PPFIA2: variants seen among roughly 807,000 people sequenced by gnomAD.
PPFIA2 encodes PPFI scaffold protein A2.
A neutral mutation model predicts 175.5 loss-of-function variants in PPFIA2; 46 were observed. That is an observed-to-expected ratio of 0.26 (90% CI 0.21 to 0.34). The LOEUF is 0.34. Ranked by LOEUF, PPFIA2 falls within the 10% of genes least tolerant of loss-of-function variation. The pLI is 1.00. For missense variants in PPFIA2, 1,179 were observed against 1,506.1 expected (o/e 0.78, Z 3.60); for synonymous variants, 568 against 511.4 (o/e 1.11, Z -1.49).
chr12:81,732,504 GT>G (rs749841598), intron 3 of PPFIA2, among the ~76,000 whole-genome samples: 93 of 107,090 alleles, frequency 8.7e-4, no homozygotes, highest in African/African-American at 2.5e-3. Context: ...TATGGATGAT[GT>G]TTTTTTTTAA....
At chr12:81,712,274 A>G (rs2078036402) in intron 3 of PPFIA2, among the ~76,000 whole-genome samples, 1 of 151,382 alleles carries the variant, frequency 6.6e-6, no homozygotes, top group Admixed American at 6.7e-5. Flanking sequence ...AGATTAGAGA[A>G]ATCGTTTTAT....
At chr12:81,712,334 A>G (rs1331555054) in intron 3 of PPFIA2, among the ~76,000 whole-genome samples, 1 of 151,412 alleles carries the variant, frequency 6.6e-6, no homozygotes, top group African/African-American at 2.4e-5. Context: ...AGAGTTTGAT[A>G]CAAAGTACTT....
chr12:81,471,277 C>CT (rs2056678290), intron 4 of PPFIA2: 5 of 151,876 alleles, frequency 3.3e-5, no homozygotes. Flanking sequence ...TCCAAGGTGG[C>CT]TGGGACCATA....
chr12:81,295,452 G>C (rs541956643), intron 23 of PPFIA2, among the ~76,000 whole-genome samples: 7 of 152,144 alleles, frequency 4.6e-5, no homozygotes, highest in Non-Finnish European at 8.8e-5. Flanking sequence ...TGAGTGAAGA[G>C]AAATTCTGTC....
chr12:81,515,972 T>G (rs1378087985), intron 4 of PPFIA2, among the ~76,000 whole-genome samples: 1 of 36,088 alleles, frequency 2.8e-5, no homozygotes, highest in Non-Finnish European at 5.1e-5. Context: ...GCATGCCAAA[T>G]TTTTTTTTTT....
intron 11 of PPFIA2, among the ~76,000 whole-genome samples, chr12:81,370,541 C>G (rs549676822): frequency 6.6e-6 from 1 of 152,024 alleles, no homozygotes; most frequent in East Asian, 1.9e-4. Flanking sequence ...GTTTGTGACT[C>G]TCCTAAATGA....
chr12:81,478,783 G>A (rs1418559981), intron 4 of PPFIA2, among the ~76,000 whole-genome samples: 5 of 151,942 alleles, frequency 3.3e-5, no homozygotes, highest in Admixed American at 6.6e-5. Context: ...TCTGAGAGAC[G>A]GTTTGTTATG....
intron 17 of PPFIA2, among the ~76,000 whole-genome samples, chr12:81,351,506 T>A (rs541105712): frequency 6.6e-6 from 1 of 152,140 alleles, no homozygotes; most frequent in South Asian, 2.1e-4. Context: ...AAAAACTCTA[T>A]AAGAATTGTG....
chr12:81,383,197 A>G lies in PPFIA2; in HGVS notation c.984+826T>C, dbSNP rs75737906. Among the ~76,000 whole-genome samples, 191 of 152,252 alleles carry G rather than the reference A, an allele frequency of 1.3e-3. 2 individuals are homozygous for G. The highest frequency in any genetic ancestry group is 4.4e-3 in the African/African-American group (185 of 41,574). On this transcript the variant is annotated intron_variant, in intron 9 of 32. Coordinates refer to ENST00000549396, the MANE Select transcript of PPFIA2 (RefSeq NM_003625.5). The stretch of plus-strand genomic sequence containing the variant: ...GGAAGAAAAGAATTGGACACATAGA[A>G]TAGGGCCAACTTGATGAACAACTAG...
intron 22 of PPFIA2, among the ~76,000 whole-genome samples, chr12:81,318,528 C>T (rs568636417): frequency 6.6e-6 from 1 of 151,660 alleles, no homozygotes; most frequent in Non-Finnish European, 1.5e-5. Context: ...GATTTGGATG[C>T]CTCTGTAAAA....
chr12:81,715,553 C>A (rs1471679514), intron 3 of PPFIA2, among the ~76,000 whole-genome samples: 1 of 151,534 alleles, frequency 6.6e-6, no homozygotes, highest in East Asian at 1.9e-4. Context: ...AGCTTTTTTC[C>A]CCCAGTAAGA....
chr12:81,277,659 T>C (rs776846662), intron 27 of PPFIA2, among the ~76,000 whole-genome samples: 2 of 152,198 alleles, frequency 1.3e-5, no homozygotes, highest in Admixed American at 6.5e-5. Context: ...AAAATCATCA[T>C]GGATTATATT....
intron 4 of PPFIA2, among the ~76,000 whole-genome samples, chr12:81,559,807 T>G (rs1011061937): frequency 5.5e-5 from 8 of 146,614 alleles, no homozygotes; most frequent in African/African-American, 2.0e-4. Context: ...CTTAGTTGTT[T>G]TTTTTTTTGT....
At chr12:81,614,281 T>C (rs969143066) in intron 4 of PPFIA2, among the ~76,000 whole-genome samples, 4 of 152,128 alleles carry the variant, frequency 2.6e-5, no homozygotes, top group African/African-American at 4.8e-5. Context: ...GATGTTTTCG[T>C]GCTCTTCAAT....
intron 7 of PPFIA2, among the ~76,000 whole-genome samples, chr12:81,437,591 A>C (rs1179905922): frequency 2.0e-5 from 3 of 152,112 alleles, no homozygotes; most frequent in Non-Finnish European, 4.4e-5. Context: ...ACCTTTGTTT[A>C]TGACAAACAG....
Position 81,362,744 on chromosome 12 carries a change from A to T in PPFIA2, c.1586T>A (p.Leu529His). Residue 529 changes from leucine to histidine, a missense_variant, in exon 15 of 33, where the codon CTT becomes CAT. Transcript: ENST00000549396. ...AEEIEKLRSE[L>H]DQLKMRTGSL... ...GCCAGTTCTCATTTTCAATTGGTCAAGTTCAGATCTCAGCTTTTCAATTTC... is the reference window on the plus strand; with the variant it reads ...GCCAGTTCTCATTTTCAATTGGTCATGTTCAGATCTCAGCTTTTCAATTTC... 1 of 1,547,206 alleles carries T rather than the reference A, an allele frequency of 6.5e-7. No homozygotes were observed. Among genetic ancestry groups the T allele is most frequent in the Non-Finnish European group, 8.7e-7 (1 of 1,143,538 alleles).
In PPFIA2 at chr12:81,375,874, C is replaced by G; in HGVS notation, c.1053G>C (p.Gln351His). 1 of 1,611,238 alleles carries G rather than the reference C, an allele frequency of 6.2e-7. No homozygotes were observed. ...TTLEKRYLSA[Q>H]RESTSIHDMN... Reference sequence around the variant, plus strand: ...TGTCATGTATGGAGGTAGATTCTCTCTGAGCACTGAGGTAACGCTTTTCAA... The same window carrying G: ...TGTCATGTATGGAGGTAGATTCTCTGTGAGCACTGAGGTAACGCTTTTCAA... The change falls in exon 10 of 33, where the codon CAG becomes CAC. Residue 351 changes from glutamine (Q) to histidine (H), a missense_variant. Coordinates refer to ENST00000549396, the MANE Select transcript of PPFIA2 (RefSeq NM_003625.5).
chr12:81,497,193 A>G (rs1345231703), intron 4 of PPFIA2, among the ~76,000 whole-genome samples: 1 of 152,184 alleles, frequency 6.6e-6, no homozygotes, highest in Non-Finnish European at 1.5e-5. Flanking sequence ...GTGTGACTTC[A>G]GAAATAATCC....
At chr12:81,524,410 A>G (rs933366269) in intron 4 of PPFIA2, among the ~76,000 whole-genome samples, 1 of 152,226 alleles carries the variant, frequency 6.6e-6, no homozygotes. Context: ...AGGGCAGACA[A>G]CTGAGTCAAA....
Sources: gnomAD v4.1 joint callset for allele counts (sites outside exome capture counted in the v4.1 genomes callset) on GRCh38, gnomAD v4.1.1 for gene constraint, MANE v1.5 for transcripts, NCBI Gene and HGNC (gene_info 2026-07-23, HGNC 2026-07-21) for gene names.